The following RFPL1 variants were observed in gnomAD, a reference collection of about 807,000 sequenced individuals.
The protein encoded by RFPL1 is ret finger protein-like 1.
In RFPL1, 6 loss-of-function variants were observed where a neutral mutation model predicts 9.6. The ratio of observed to expected loss-of-function variants is 0.62; its 90% CI spans 0.34 to 1.23. The LOEUF (loss-of-function observed/expected upper bound fraction) is 1.23. Ranked by LOEUF, RFPL1 falls within the 50% of genes most tolerant of loss-of-function variation. The pLI is 0.03. For missense variants in RFPL1, 352 were observed against 398.4 expected (o/e 0.88, Z 0.99); for synonymous variants, 145 against 149.4 (o/e 0.97, Z 0.22).
chr22:29,400,687 A>G, the RFPL1 span, among the ~76,000 whole-genome samples: 1 of 152,138 alleles, frequency 6.6e-6, no homozygotes, highest in East Asian at 1.9e-4. Context: ...CTTTTCAGCC[A>G]TACTTTTAGG....
At chr22:29,402,086 G>T in the RFPL1 span, among the ~76,000 whole-genome samples, 1 of 152,164 alleles carries the variant, frequency 6.6e-6, no homozygotes, top group Non-Finnish European at 1.5e-5. Context: ...GCCCCTCCAA[G>T]CATGACGTCT....
chr22:29,438,441 C>A (rs2062819711), upstream of RFPL1: 1 of 341,262 alleles, frequency 2.9e-6, no homozygotes, highest in African/African-American at 2.1e-5. Flanking sequence ...CGTCAGCCTC[C>A]CAAAGTGCTG....
the RFPL1 span, among the ~76,000 whole-genome samples, chr22:29,417,128 G>C: frequency 0.35 from 53,620 of 151,846 alleles, 9,968 homozygotes; most frequent in African/African-American, 0.47. Context: ...GCACCAGGAA[G>C]AATGGGGAGG....
chr22:29,421,312 T>C, the RFPL1 span, among the ~76,000 whole-genome samples: 1 of 152,156 alleles, frequency 6.6e-6, no homozygotes, highest in Non-Finnish European at 1.5e-5. Context: ...TAGCTCGGCA[T>C]AGTGGCACGT....
At chr22:29,410,033 T>C in the RFPL1 span, among the ~76,000 whole-genome samples, 1 of 151,874 alleles carries the variant, frequency 6.6e-6, no homozygotes, top group Non-Finnish European at 1.5e-5. Flanking sequence ...TCCACAAGCA[T>C]CGTCTATGCT....
chr22:29,437,590 T>C, upstream of RFPL1: 2 of 1,566,762 alleles, frequency 1.3e-6, no homozygotes, highest in Non-Finnish European at 1.7e-6. Context: ...CAAAGCCTCA[T>C]TAGGTTAGAG....
chr22:29,396,020 A>G, the RFPL1 span, among the ~76,000 whole-genome samples: 3 of 151,820 alleles, frequency 2.0e-5, no homozygotes, highest in East Asian at 3.9e-4. Flanking sequence ...AAGAGAAAGA[A>G]AAGAGAAGAG....
chr22:29,407,087 G>A, the RFPL1 span, among the ~76,000 whole-genome samples: 3 of 61,668 alleles, frequency 4.9e-5, no homozygotes, highest in Non-Finnish European at 8.1e-5. Context: ...TTTTGTGTGT[G>A]TGTGTGTGTG....
At chr22:29,388,246 G>A in the RFPL1 span, among the ~76,000 whole-genome samples, 2 of 152,260 alleles carry the variant, frequency 1.3e-5, no homozygotes, top group African/African-American at 4.8e-5. Context: ...CGGCCAAGTG[G>A]GCGCGAATGA....
At chr22:29,440,402 T>C (rs1217838245) in intron 1 of RFPL1, 3 of 152,192 alleles carry the variant, frequency 2.0e-5, no homozygotes, top group Non-Finnish European at 4.4e-5. Flanking sequence ...TGTAGATTTT[T>C]TTTTCAGAAT....
the RFPL1 span, among the ~76,000 whole-genome samples, chr22:29,397,694 C>T: frequency 6.6e-6 from 1 of 152,200 alleles, no homozygotes; most frequent in Non-Finnish European, 1.5e-5. Context: ...AACCCCCATT[C>T]TCCTATTGGG....
the RFPL1 span, among the ~76,000 whole-genome samples, chr22:29,414,442 A>T: frequency 6.6e-6 from 1 of 152,188 alleles, no homozygotes; most frequent in Non-Finnish European, 1.5e-5. Flanking sequence ...GTCCAAATTA[A>T]CTTAGAATTG....
upstream of RFPL1, chr22:29,434,982 A>C (rs1241828088): frequency 6.6e-6 from 1 of 152,230 alleles, no homozygotes; most frequent in Non-Finnish European, 1.5e-5. Context: ...ACAAATCTAC[A>C]GTTTCTCCTG....
chr22:29,393,107 GC>G, the RFPL1 span, among the ~76,000 whole-genome samples: 3 of 152,192 alleles, frequency 2.0e-5, no homozygotes, highest in Non-Finnish European at 2.9e-5. Context: ...ACCAAATTCA[GC>G]CTGGGAAAGT....
chr22:29,394,567 C>T, the RFPL1 span, among the ~76,000 whole-genome samples: 1 of 152,158 alleles, frequency 6.6e-6, no homozygotes. Flanking sequence ...GTCTCGAACC[C>T]CTGACCTCAG....
the RFPL1 span, among the ~76,000 whole-genome samples, chr22:29,393,372 G>C: frequency 6.6e-6 from 1 of 152,168 alleles, no homozygotes; most frequent in Non-Finnish European, 1.5e-5. Flanking sequence ...GATCTGGCAG[G>C]AGAGCTAAAA....
the RFPL1 span, among the ~76,000 whole-genome samples, chr22:29,419,812 A>AAAAAG: frequency 6.6e-6 from 1 of 151,808 alleles, no homozygotes; most frequent in Non-Finnish European, 1.5e-5. Flanking sequence ...AAAAAAAAAA[A>AAAAAG]AAAAGAAAAG....
the RFPL1 span, among the ~76,000 whole-genome samples, chr22:29,420,634 C>CTTTTTTTTT: frequency 6.5e-4 from 35 of 53,452 alleles, 13 homozygotes; most frequent in Admixed American, 1.5e-3. Flanking sequence ...TGGTTTTTTG[C>CTTTTTTTTT]TTTTTTTTTT....
chr22:29,401,855 G>A, the RFPL1 span, among the ~76,000 whole-genome samples: 4 of 152,148 alleles, frequency 2.6e-5, no homozygotes, highest in South Asian at 2.1e-4. Context: ...ATAGATCTGC[G>A]TTTTCATTCC....
Sources: allele counts gnomAD v4.1 joint callset (sites outside exome capture counted in the v4.1 genomes callset), GRCh38; gene constraint gnomAD v4.1.1; transcripts MANE v1.5; gene names NCBI Gene and HGNC (gene_info 2026-07-23, HGNC 2026-07-21).